The following USP16 variants were observed in gnomAD, a reference collection of about 807,000 sequenced individuals.
The protein encoded by USP16 is ubiquitin carboxyl-terminal hydrolase 16.
Under a neutral mutation model 95.9 loss-of-function variants are expected in USP16, and 77 were observed. The observed-to-expected ratio is 0.80, with a 90% CI of 0.67 to 0.97. USP16 has a LOEUF of 0.97. Ranked by LOEUF, USP16 falls within the 50% of genes least tolerant of loss-of-function variation. The pLI is 0.00. For missense variants in USP16, 943 were observed against 959.9 expected, an observed-to-expected ratio of 0.98 and a Z score of 0.23; for synonymous variants, 303 against 318.2, an observed-to-expected ratio of 0.95 and a Z score of 0.51.
intron 6 of USP16, among the ~76,000 whole-genome samples, 172 bp downstream of exon 6, chr21:29,037,635 G>C (rs530519631): frequency 6.9e-6 from 1 of 145,192 alleles, no homozygotes; most frequent in South Asian, 2.1e-4. Context: ...CACTCGGCTG[G>C]AGTGCAGTGG....
intron 16 of USP16, among the ~76,000 whole-genome samples, chr21:29,050,727 AG>A (rs2085400927): frequency 6.6e-6 from 1 of 152,192 alleles, no homozygotes; most frequent in South Asian, 2.1e-4. Context: ...ACAAGGTTAT[AG>A]GGAGAGTTGA....
At chr21:29,037,154 T>C (rs2085170109) in intron 5 of USP16, 122 bp from the exon 6 acceptor site, 1 of 541,880 alleles carries the variant, frequency 1.8e-6, no homozygotes, top group Non-Finnish European at 2.9e-6. Flanking sequence ...ATCAAATGGG[T>C]GGGTGGGTTG....
intron 11 of USP16, 149 bp from the exon 12 acceptor site, chr21:29,042,323 T>C: frequency 1.1e-6 from 1 of 877,182 alleles, no homozygotes; most frequent in South Asian, 1.9e-5. Context: ...AAGTCCTCAA[T>C]GTTGTGTAAT....
At chr21:29,036,630 A>G (rs1046287693) in intron 5 of USP16, among the ~76,000 whole-genome samples, 5 of 152,270 alleles carry the variant, frequency 3.3e-5, no homozygotes, top group Non-Finnish European at 7.3e-5. Context: ...CCATAACCCT[A>G]GCCAGGCTTA....
chr21:29,053,698 A>G (rs1423626216), intron 16 of USP16, 104 bp from the exon 17 acceptor site: 1 of 1,201,048 alleles, frequency 8.3e-7, no homozygotes. Context: ...CTGCACTCTC[A>G]AAGTAATGGT....
intron 3 of USP16, among the ~76,000 whole-genome samples, chr21:29,034,558 C>A (rs2085125340): frequency 6.6e-6 from 1 of 152,124 alleles, no homozygotes. Context: ...GGTGATCCCA[C>A]CCCTGGCCTC....
At chr21:29,043,890 T>A (rs557860939) in intron 13 of USP16, among the ~76,000 whole-genome samples, 87 of 152,290 alleles carry the variant, frequency 5.7e-4, no homozygotes, top group African/African-American at 2.1e-3. Context: ...TCCACAAATT[T>A]AAAAATATAT....
At position 29,054,117 on chromosome 21, in the gene USP16, T is replaced by A; in HGVS notation, c.2402T>A (p.Val801Glu). ...GQWFHISDTH[V>E]QAVPTTKVLN... is the part of the protein sequence containing the mutation. ...TGGTTTCACATCAGCGACACACATG[T>A]GCAAGCTGTGCCTACAACTAAAGTA... Residue 801 changes from valine to glutamate, a missense_variant, in exon 18 of 18, where the codon GTG (valine) becomes GAG (glutamate). Val to Glu is a moderately radical substitution (Grantham distance 121). Transcript: ENST00000399976. 3.1e-6 allele frequency: 5 copies of A among 1,614,254 alleles called. No homozygotes were observed. Among genetic ancestry groups the A allele is most frequent in the Non-Finnish European group, 3.4e-6 (4 of 1,180,030 alleles).
chr21:29,045,810 T>C (rs751580803), intron 13 of USP16, among the ~76,000 whole-genome samples: 34 of 152,152 alleles, frequency 2.2e-4, no homozygotes, highest in Non-Finnish European at 3.8e-4. Context: ...AAATAACTTT[T>C]TCTTTCTTTT....
At chr21:29,053,111 AC>A (rs2085441145) in intron 16 of USP16, 2 of 152,270 alleles carry the variant, frequency 1.3e-5, no homozygotes, top group Admixed American at 1.3e-4. Context: ...ACGGAGAAGT[AC>A]TAAGTTCTTC....
rs2085276643 is a variant in USP16 at position 29,043,559 on chromosome 21, T to TA, written c.1317dup (p.Gln440ThrfsTer30). The TA allele has an allele frequency of 6.4e-7, 1 of 1,570,290 alleles. No homozygotes were observed. The highest frequency in any genetic ancestry group is 8.6e-7 in the Non-Finnish European group (1 of 1,164,720). ...ATTCCTTCTGGAACAAGTAAGCACT[T>TA]ACAGAAAAAAGCAAAGAAACAAGCC... On this transcript the variant is annotated frameshift_variant, in exon 13 of 18. Transcript: ENST00000399976. LOFTEE classifies it high-confidence loss of function.
intron 14 of USP16, among the ~76,000 whole-genome samples, chr21:29,048,192 C>T (rs1253169062): frequency 1.3e-5 from 2 of 151,698 alleles, no homozygotes; most frequent in African/African-American, 2.4e-5. Context: ...AAGAGATTCT[C>T]CTGCCTCAGC....
At chr21:29,025,306 G>A (rs1156491489) in intron 1 of USP16, among the ~76,000 whole-genome samples, 1 of 152,244 alleles carries the variant, frequency 6.6e-6, no homozygotes, top group Non-Finnish European at 1.5e-5. Context: ...GGAGGGCAGA[G>A]AGTGAAGAGA....
Position 29,053,929 on chromosome 21 carries a change from A to G in USP16, c.2321A>G (p.Asn774Ser). ...AGAACCGCAAATAGTCATCTCTCTA[A>G]TCTTGTTCTTCACGGTGATATTCCA... is the stretch of plus-strand genomic sequence containing the variant. ...KARTANSHLS[N>S]LVLHGDIPQD... The change falls in exon 17 of 18, where the codon AAT becomes AGT. Residue 774 changes from asparagine to serine, a missense_variant. Transcript: ENST00000399976. 1 of 1,614,228 alleles carries G rather than the reference A, an allele frequency of 6.2e-7. No individual in the cohort carries two copies. Among genetic ancestry groups the G allele is most frequent in the Non-Finnish European group, 8.5e-7 (1 of 1,180,034 alleles).
At chr21:29,029,367 T>G (rs969490079) in intron 2 of USP16, among the ~76,000 whole-genome samples, 1 of 152,080 alleles carries the variant, frequency 6.6e-6, no homozygotes, top group East Asian at 1.9e-4. Flanking sequence ...GAGCCGAGAT[T>G]GTGCCACTGC....
intron 9 of USP16, among the ~76,000 whole-genome samples, chr21:29,039,983 C>T (rs974507349): frequency 6.6e-6 from 1 of 152,060 alleles, no homozygotes; most frequent in Non-Finnish European, 1.5e-5. Context: ...ACATTGGTTG[C>T]ATTTTAAAAT....
rs760859986 is a variant in USP16, at chr21:29,034,786, C to G, written c.241-51C>G. The G allele has an allele frequency of 3.3e-6, 5 of 1,538,244 alleles. No homozygotes were observed. The African/African-American group carries it at 6.8e-5, about 21-fold the overall frequency. On this transcript the variant is annotated intron_variant, in intron 3 of 17. Coordinates refer to ENST00000399976, the MANE Select transcript of USP16 (RefSeq NM_006447.3). Reference sequence around the variant, plus strand: ...GTTTATGATAGATTATGCATTCTCCCCTCTTGCTGAGTTTTTATGGCTTTG... The same window carrying G: ...GTTTATGATAGATTATGCATTCTCCGCTCTTGCTGAGTTTTTATGGCTTTG...
chr21:29,049,651 C>G (rs931780552), intron 15 of USP16, among the ~76,000 whole-genome samples: 3 of 152,130 alleles, frequency 2.0e-5, no homozygotes, highest in African/African-American at 7.2e-5. Flanking sequence ...GTTTGACCTC[C>G]CAGTCTCAAG....
chr21:29,043,823 T>A (rs2085281198), intron 13 of USP16, among the ~76,000 whole-genome samples: 2 of 152,218 alleles, frequency 1.3e-5, no homozygotes, highest in Admixed American at 1.3e-4. Flanking sequence ...GCATTGCTTG[T>A]AACAAGTATT....
Sources: gnomAD v4.1 joint callset for allele counts (sites outside exome capture counted in the v4.1 genomes callset) on GRCh38, gnomAD v4.1.1 for gene constraint, MANE v1.5 for transcripts, NCBI Gene and HGNC (gene_info 2026-07-23, HGNC 2026-07-21) for gene names.